Variants in B3GALT1 observed in about 807,000 individuals in gnomAD.
B3GALT1 encodes UDP-Gal:betaGlcNAc beta 1,3-galactosyltransferase, polypeptide 1.
B3GALT1 carries 10 observed loss-of-function variants against 23.2 expected under a neutral mutation model. That is an observed-to-expected ratio of 0.43 (90% CI 0.27 to 0.73). The LOEUF (loss-of-function observed/expected upper bound fraction) is 0.73, where lower values mean the gene tolerates loss of function less well. B3GALT1 is among the 30% of genes least tolerant of loss of function. The pLI is 0.21. For missense variants in B3GALT1, 299 were observed against 405.4 expected, an observed-to-expected ratio of 0.74 and a Z score of 2.25; for synonymous variants, 156 against 141.5, an observed-to-expected ratio of 1.10 and a Z score of -0.73.
chr2:167,549,226 G>A (rs1305190742), intron 2 of B3GALT1, among the ~76,000 whole-genome samples: 1 of 152,144 alleles, frequency 6.6e-6, no homozygotes. Context: ...TTGGCGGGGG[G>A]CTCACAAACT....
intron 2 of B3GALT1, among the ~76,000 whole-genome samples, chr2:167,557,819 G>A (rs987570182): frequency 1.3e-5 from 2 of 152,184 alleles, no homozygotes; most frequent in African/African-American, 2.4e-5. Flanking sequence ...GGTACTTAGC[G>A]AAATTGCGTC....
At chr2:167,540,802 A>G (rs916224963) in intron 2 of B3GALT1, among the ~76,000 whole-genome samples, 6 of 152,156 alleles carry the variant, frequency 3.9e-5, no homozygotes, top group African/African-American at 1.4e-4. Flanking sequence ...TCACCATCAA[A>G]TCTTGAAAAA....
At chr2:167,644,111 T>A (rs1685702510) in intron 2 of B3GALT1, among the ~76,000 whole-genome samples, 2 of 152,144 alleles carry the variant, frequency 1.3e-5, no homozygotes, top group South Asian at 4.1e-4. Context: ...TAAGGAGGTG[T>A]TTAGAATTGT....
chr2:167,714,672 A>G lies in B3GALT1; in HGVS notation c.-352+67706A>G, dbSNP rs142545349. Reference sequence around the variant, plus strand: ...TTTCTTTCAGCAGTCCGAGCTGCCAACCAATTATTATGTCCTTTTTTCTCG... The same window carrying G: ...TTTCTTTCAGCAGTCCGAGCTGCCAGCCAATTATTATGTCCTTTTTTCTCG... On this transcript the variant is annotated intron_variant, in intron 3 of 4. Transcript: ENST00000392690. The G allele has an allele frequency of 1.7e-3, 2,674 of 1,613,900 alleles. 24 individuals carry two copies. The highest frequency in any genetic ancestry group is 0.012 in the East Asian group (543 of 44,880).
Position 167,869,213 on chromosome 2 carries a change from C to A in B3GALT1, c.174C>A (p.Ile58=). ...TTGGCAACATAAGAACTCGACCTAT[C>A]AACCCACATTCTTTTGAATTTCTTA... ...FTFGNIRTRP[I]NPHSFEFLIN... The change falls in exon 5 of 5, where the codon ATC becomes ATA. Residue 58 remains isoleucine, a synonymous_variant. Transcript: ENST00000392690. This position sits in a 1 kb window ranked among gnomAD's most constrained non-coding sequence, Gnocchi z 6.4. The A allele has an allele frequency of 1.2e-6, 2 of 1,614,172 alleles. No homozygotes were observed. Among genetic ancestry groups the A allele is most frequent in the Non-Finnish European group, 1.7e-6 (2 of 1,180,022 alleles).
intron 1 of B3GALT1, among the ~76,000 whole-genome samples, chr2:167,299,238 A>G (rs1398517172): frequency 6.6e-6 from 1 of 152,200 alleles, no homozygotes; most frequent in Non-Finnish European, 1.5e-5. Flanking sequence ...CTAGGACCCT[A>G]GCACCCAGGC....
intron 3 of B3GALT1, among the ~76,000 whole-genome samples, chr2:167,668,390 A>T (rs1178509183): frequency 6.6e-6 from 1 of 152,164 alleles, no homozygotes; most frequent in Non-Finnish European, 1.5e-5. Context: ...TGCAGAGGTT[A>T]CTGCTATCTT....
chr2:167,831,621 G>A (rs766196351), intron 4 of B3GALT1, among the ~76,000 whole-genome samples: 43 of 152,090 alleles, frequency 2.8e-4, no homozygotes, highest in Non-Finnish European at 5.4e-4. Flanking sequence ...TGAATAGAGG[G>A]AAAAAGAGAT....
At chr2:167,382,620 G>T (rs1191521335) in intron 1 of B3GALT1, among the ~76,000 whole-genome samples, 1 of 152,114 alleles carries the variant, frequency 6.6e-6, no homozygotes, top group Non-Finnish European at 1.5e-5. Flanking sequence ...AATACAAAAG[G>T]CAGAATAAAC....
chr2:167,502,502 T>C (rs1333508769), intron 2 of B3GALT1, among the ~76,000 whole-genome samples: 2 of 152,180 alleles, frequency 1.3e-5, no homozygotes, highest in East Asian at 1.9e-4. Flanking sequence ...TTCCACAGGC[T>C]GTACAGGAAG....
At chr2:167,562,137 C>T (rs1276030472) in intron 2 of B3GALT1, among the ~76,000 whole-genome samples, 1 of 152,186 alleles carries the variant, frequency 6.6e-6, no homozygotes, top group Non-Finnish European at 1.5e-5. Flanking sequence ...CCCTGGGATG[C>T]AAGGCTGGTT....
intron 1 of B3GALT1, among the ~76,000 whole-genome samples, chr2:167,338,406 G>A (rs1040421569): frequency 1.3e-5 from 2 of 152,078 alleles, no homozygotes; most frequent in East Asian, 3.9e-4. Context: ...ATACAAAGCA[G>A]TAAAATGTCA....
chr2:167,342,798 G>A (rs1311253136), intron 1 of B3GALT1, among the ~76,000 whole-genome samples: 1 of 151,986 alleles, frequency 6.6e-6, no homozygotes, highest in Non-Finnish European at 1.5e-5. Context: ...TACAGGCTTT[G>A]ACTGGTCATG....
chr2:167,521,276 C>T (rs376656598), intron 2 of B3GALT1, among the ~76,000 whole-genome samples: 1 of 152,044 alleles, frequency 6.6e-6, no homozygotes, highest in Non-Finnish European at 1.5e-5. Context: ...AGATTCTGTT[C>T]AGAGATCTTA....
At chr2:167,831,135 T>A (rs1385765242) in intron 4 of B3GALT1, among the ~76,000 whole-genome samples, 3 of 152,252 alleles carry the variant, frequency 2.0e-5, no homozygotes, top group Admixed American at 1.3e-4. Flanking sequence ...TTTGACACAC[T>A]TATTCACGGG....
At chr2:167,723,449 C>G (rs1687263408) in intron 3 of B3GALT1, among the ~76,000 whole-genome samples, 2 of 151,994 alleles carry the variant, frequency 1.3e-5, no homozygotes, top group Non-Finnish European at 2.9e-5. Context: ...TTGACATATA[C>G]TTCAAAATAT....
chr2:167,731,692 G>A (rs1056934518), intron 3 of B3GALT1, among the ~76,000 whole-genome samples: 2 of 151,666 alleles, frequency 1.3e-5, no homozygotes, highest in Non-Finnish European at 2.9e-5. Context: ...TTTACTGCAG[G>A]CATCTCCCAT....
intron 1 of B3GALT1, among the ~76,000 whole-genome samples, chr2:167,311,397 CAA>C (rs1204899212): frequency 2.0e-5 from 3 of 151,904 alleles, no homozygotes; most frequent in African/African-American, 7.2e-5. Flanking sequence ...AATGGTAAAA[CAA>C]AGAGGGAAAT....
intron 1 of B3GALT1, among the ~76,000 whole-genome samples, chr2:167,466,075 C>T (rs1435797694): frequency 6.6e-6 from 1 of 152,164 alleles, no homozygotes; most frequent in Non-Finnish European, 1.5e-5. Flanking sequence ...AGAAGGCTCA[C>T]TCTCCTATAA....
Sources: gnomAD v4.1 joint callset for allele counts (sites outside exome capture counted in the v4.1 genomes callset) on GRCh38, gnomAD v4.1.1 for gene constraint, Gnocchi (gnomAD v3.1) non-coding constraint, MANE v1.5 for transcripts, NCBI Gene and HGNC (gene_info 2026-07-23, HGNC 2026-07-21) for gene names.